The following HUNK variants were observed in gnomAD, a reference collection of about 807,000 sequenced individuals.
The protein encoded by HUNK is hormonally up-regulated neu tumor-associated kinase.
A neutral mutation model predicts 61.0 loss-of-function variants in HUNK; 21 were observed. The ratio of observed to expected loss-of-function variants is 0.34; its 90% CI spans 0.24 to 0.50. The LOEUF (loss-of-function observed/expected upper bound fraction) is 0.50, where lower values mean the gene tolerates loss of function less well. HUNK is among the 20% of genes least tolerant of loss of function. The pLI, the probability that HUNK is intolerant of heterozygous loss-of-function variation, is 0.98. For synonymous variants in HUNK, 371 were observed against 386.1 expected, an observed-to-expected ratio of 0.96 and a Z score of 0.46; for missense variants, 772 against 945.7, an observed-to-expected ratio of 0.82 and a Z score of 2.41.
intron 8 of HUNK, among the ~76,000 whole-genome samples, chr21:31,985,981 G>T (rs1193011916): frequency 2.0e-5 from 3 of 152,122 alleles, no homozygotes; most frequent in Non-Finnish European, 4.4e-5. Flanking sequence ...CGGGGAAGAT[G>T]AGGATGGAGA....
At chr21:31,922,268 T>C (rs1280493989) in intron 1 of HUNK, among the ~76,000 whole-genome samples, 8 of 146,704 alleles carry the variant, frequency 5.5e-5, no homozygotes, top group East Asian at 4.1e-4. Flanking sequence ...CCACCCGCCT[T>C]GGCCTCCCAA....
At chr21:31,976,766 C>T (rs1323945396) in intron 7 of HUNK, among the ~76,000 whole-genome samples, 1 of 147,838 alleles carries the variant, frequency 6.8e-6, no homozygotes, top group Non-Finnish European at 1.5e-5. Context: ...AGCACCTGGC[C>T]CTCTTTTTTT....
At chr21:31,968,005 T>G (rs2052979239) in intron 5 of HUNK, among the ~76,000 whole-genome samples, 1 of 152,076 alleles carries the variant, frequency 6.6e-6, no homozygotes, top group Non-Finnish European at 1.5e-5. Flanking sequence ...GTGGTGTGTA[T>G]TTTTTAAAGA....
intron 6 of HUNK, among the ~76,000 whole-genome samples, chr21:31,968,715 A>AGTGT (rs746064468): frequency 0.025 from 2,194 of 88,124 alleles, 18 homozygotes; most frequent in Non-Finnish European, 0.032. Flanking sequence ...CTGTGGCCCG[A>AGTGT]GTGTGTGTGT....
At chr21:31,930,311 A>C (rs1233435752) in intron 2 of HUNK, among the ~76,000 whole-genome samples, 1 of 152,206 alleles carries the variant, frequency 6.6e-6, no homozygotes, top group East Asian at 1.9e-4. Context: ...AAGCACTAAA[A>C]ACTGAGACTC....
intron 1 of HUNK, among the ~76,000 whole-genome samples, chr21:31,917,707 C>T (rs2052594213): frequency 1.7e-5 from 2 of 117,006 alleles, no homozygotes; most frequent in Non-Finnish European, 3.3e-5. Context: ...CACACACACA[C>T]ACACACACAC....
chr21:31,983,372 C>T (rs2053111495), intron 7 of HUNK, among the ~76,000 whole-genome samples, 154 bp from the exon 8 acceptor site: 1 of 152,204 alleles, frequency 6.6e-6, no homozygotes, highest in South Asian at 2.1e-4. Flanking sequence ...GCCTGCAGGC[C>T]TTCCTGGGGT....
chr21:31,954,501 G>C (rs1404495783), intron 4 of HUNK, among the ~76,000 whole-genome samples: 1 of 152,206 alleles, frequency 6.6e-6, no homozygotes, highest in Non-Finnish European at 1.5e-5. Context: ...AAGAACCCCA[G>C]AATATTCAAA....
At position 31,873,458 on chromosome 21, in the gene HUNK, C is replaced by A; in HGVS notation, c.-217C>A. ...GGAAGAACTTTTGGGGGCGGGGTCCCCGGTCCCGCGTCCCCTGGGCAGCCG... is the reference window on the plus strand; with the variant it reads ...GGAAGAACTTTTGGGGGCGGGGTCCACGGTCCCGCGTCCCCTGGGCAGCCG... On this transcript the variant is annotated 5_prime_UTR_variant, in exon 1 of 11. Coordinates refer to ENST00000270112, the MANE Select transcript of HUNK (RefSeq NM_014586.2). The surrounding 1 kb of genome is among the most constrained non-coding windows in gnomAD (Gnocchi z 6.1). The A allele has an allele frequency of 5.3e-6, 1 of 187,044 alleles. No homozygotes were observed. Among genetic ancestry groups the A allele is most frequent in the Non-Finnish European group, 1.0e-5 (1 of 100,208 alleles). 11.6% of individuals were successfully genotyped at this position (187,044 alleles called of 1,614,324 possible).
intron 9 of HUNK, among the ~76,000 whole-genome samples, chr21:31,993,736 A>G (rs1036956225): frequency 2.0e-5 from 3 of 152,152 alleles, no homozygotes; most frequent in African/African-American, 7.2e-5. Flanking sequence ...TCATGCACAC[A>G]AAGGGAGAGG....
Position 31,998,507 on chromosome 21 carries a change from A to T in HUNK, c.1487-19A>T. 1 of 1,557,722 alleles carries T rather than the reference A, an allele frequency of 6.4e-7. No homozygotes were observed. The highest frequency in any genetic ancestry group is 1.2e-5 in the South Asian group (1 of 81,636). On this transcript the variant is annotated intron_variant, in intron 10 of 10. Coordinates refer to ENST00000270112, the MANE Select transcript of HUNK (RefSeq NM_014586.2). Reference sequence around the variant, plus strand: ...TGTCCGGACGTCCTCATGATTGTTTATGCTTTCTTGGTGTGCAGATTCCTT... The same window carrying T: ...TGTCCGGACGTCCTCATGATTGTTTTTGCTTTCTTGGTGTGCAGATTCCTT...
At position 31,944,035 on chromosome 21, in the gene HUNK, G is replaced by A. The variant is rs541801359; in HGVS notation, c.611-2001G>A. On this transcript the variant is annotated intron_variant, in intron 3 of 10. Transcript: ENST00000270112. Reference sequence around the variant, plus strand: ...TAGGTTCATTTTCAAACTGAAAGCCGTCAAACAACCCTCCAATTTAAAGCA... The same window carrying A: ...TAGGTTCATTTTCAAACTGAAAGCCATCAAACAACCCTCCAATTTAAAGCA... Among the ~76,000 whole-genome samples, 58 of 152,276 alleles carry A rather than the reference G, an allele frequency of 3.8e-4. No homozygotes were observed. The South Asian group carries it at 8.3e-3, about 22-fold the overall frequency.
Position 31,881,604 on chromosome 21 carries a change from CAA to C in HUNK, c.261+7670_261+7671del, listed in dbSNP as rs958867428. 3.3e-4 allele frequency among the ~76,000 whole-genome samples: 50 copies of C among 152,270 alleles called. 1 individual carries two copies. Among genetic ancestry groups the C allele is most frequent in the African/African-American group, 1.2e-3 (49 of 41,544 alleles). On this transcript the variant is annotated intron_variant, in intron 1 of 10. Coordinates refer to ENST00000270112, the MANE Select transcript of HUNK (RefSeq NM_014586.2). The stretch of plus-strand genomic sequence containing the variant: ...TGCCACTGCACTCCAGCCTGGGTAA[CAA>C]GAGCAAAAACTCCATAACAACAGCA...
At chr21:31,874,129 C>G (rs925185623) in intron 1 of HUNK, among the ~76,000 whole-genome samples, 194 bp downstream of exon 1, 4 of 152,008 alleles carry the variant, frequency 2.6e-5, no homozygotes, top group African/African-American at 4.8e-5. Flanking sequence ...GCCTGCGGTC[C>G]GCTGCCCGGG....
intron 1 of HUNK, among the ~76,000 whole-genome samples, chr21:31,888,953 C>T (rs2052367709): frequency 6.6e-6 from 1 of 152,106 alleles, no homozygotes; most frequent in South Asian, 2.1e-4. Flanking sequence ...GCAGTGGGGA[C>T]TGGTAGCTCT....
In HUNK at chr21:31,886,359, G is replaced by T. The variant is rs77455353; in HGVS notation, c.261+12424G>T. Among the ~76,000 whole-genome samples the T allele has an allele frequency of 2.7e-5, 4 of 150,366 alleles. No homozygotes were observed. The East Asian group carries it at 7.9e-4, about 30-fold the overall frequency. On this transcript the variant is annotated intron_variant, in intron 1 of 10. Coordinates refer to ENST00000270112, the MANE Select transcript of HUNK (RefSeq NM_014586.2). ...ATCACATGAACCTGGCTGGGAGGCG[G>T]ACGTTGCAGCGAGCCGAGATTGCGC...
intron 5 of HUNK, among the ~76,000 whole-genome samples, chr21:31,961,978 A>G (rs2052932243): frequency 6.6e-6 from 1 of 152,230 alleles, no homozygotes; most frequent in Admixed American, 6.5e-5. Context: ...GTCATGCTAC[A>G]TCTCAGTTGA....
chr21:31,875,257 C>T (rs946344639), intron 1 of HUNK, among the ~76,000 whole-genome samples: 2 of 152,178 alleles, frequency 1.3e-5, no homozygotes, highest in African/African-American at 4.8e-5. Context: ...CTGTCTCTAG[C>T]CTCACCCCAC....
chr21:31,912,132 C>T (rs986307815), intron 1 of HUNK, among the ~76,000 whole-genome samples: 1 of 152,176 alleles, frequency 6.6e-6, no homozygotes, highest in East Asian at 1.9e-4. Context: ...GTCCTTCCCC[C>T]ACCGTTCCTC....
Sources: allele counts gnomAD v4.1 joint callset (sites outside exome capture counted in the v4.1 genomes callset), GRCh38; gene constraint gnomAD v4.1.1; non-coding constraint Gnocchi (gnomAD v3.1); transcripts MANE v1.5; gene names NCBI Gene and HGNC (gene_info 2026-07-23, HGNC 2026-07-21).